CATSPERB: variants seen among roughly 807,000 people sequenced by gnomAD.
CATSPERB encodes the protein catsper channel auxiliary subunit beta, also known as cation channel sperm-associated auxiliary subunit beta.
Under a neutral mutation model 128.3 loss-of-function variants are expected in CATSPERB, and 93 were observed. That is an observed-to-expected ratio of 0.72 (90% CI 0.61 to 0.86). The LOEUF (loss-of-function observed/expected upper bound fraction) is 0.86, where lower values mean the gene tolerates loss of function less well. Among genes scored for constraint, CATSPERB ranks in the 40% least tolerant of loss-of-function variants. The probability of loss-of-function intolerance (pLI) is 0.00; values close to 1 mark genes in which losing one functional copy is unlikely to be tolerated. For missense variants in CATSPERB, 1,153 were observed against 1,329.5 expected (o/e 0.87, Z 2.06); for synonymous variants, 381 against 448.8 (o/e 0.85, Z 1.91).
At chr14:91,670,866 G>C (rs1377041891) in intron 13 of CATSPERB, among the ~76,000 whole-genome samples, 2 of 151,874 alleles carry the variant, frequency 1.3e-5, no homozygotes, top group Non-Finnish European at 2.9e-5. Flanking sequence ...TAGCTGGCGT[G>C]GTGGCACACA....
At chr14:91,687,908 T>C (rs1188576371) in intron 10 of CATSPERB, among the ~76,000 whole-genome samples, 1 of 142,918 alleles carries the variant, frequency 7.0e-6, no homozygotes, top group Non-Finnish European at 1.5e-5. Context: ...TGAGCCGAGA[T>C]CACCACTGCA....
chr14:91,626,359 C>T (rs376961204), intron 17 of CATSPERB, among the ~76,000 whole-genome samples: 60 of 76,838 alleles, frequency 7.8e-4, no homozygotes, highest in Admixed American at 1.6e-3. Flanking sequence ...AGAGGTGGGA[C>T]TTTTTTTTTT....
intron 17 of CATSPERB, among the ~76,000 whole-genome samples, chr14:91,628,039 C>T (rs1313440955): frequency 6.6e-6 from 1 of 152,168 alleles, no homozygotes; most frequent in Non-Finnish European, 1.5e-5. Context: ...AAGAATCATT[C>T]TGCCCTTTCT....
chr14:91,603,551 C>T, intron 22 of CATSPERB: 2 of 726,214 alleles, frequency 2.8e-6, no homozygotes, highest in Non-Finnish European at 4.9e-6. Flanking sequence ...GAGGACCCCA[C>T]CGCTCTAGAG....
At chr14:91,702,355 A>G (rs1895664145) in intron 7 of CATSPERB, among the ~76,000 whole-genome samples, 1 of 150,856 alleles carries the variant, frequency 6.6e-6, no homozygotes, top group South Asian at 2.1e-4. Flanking sequence ...TGGTGCAAAA[A>G]AAATCGCGGT....
At chr14:91,711,998 G>A (rs1358981560) in intron 5 of CATSPERB, among the ~76,000 whole-genome samples, 1 of 152,094 alleles carries the variant, frequency 6.6e-6, no homozygotes, top group African/African-American at 2.4e-5. Flanking sequence ...GTGCTGTGGG[G>A]AATTAGAAAA....
chr14:91,729,094 CT>C (rs1455592824), intron 2 of CATSPERB, among the ~76,000 whole-genome samples: 1 of 152,272 alleles, frequency 6.6e-6, no homozygotes, highest in Admixed American at 6.5e-5. Context: ...AATCTCAGCA[CT>C]TTGGGAGGCT....
At chr14:91,584,122 G>A (rs1290716674) in intron 26 of CATSPERB, among the ~76,000 whole-genome samples, 1 of 151,968 alleles carries the variant, frequency 6.6e-6, no homozygotes. Context: ...TGGATGAAGT[G>A]CAGTGGTGCG....
At chr14:91,656,484 T>C (rs1894789982) in intron 15 of CATSPERB, among the ~76,000 whole-genome samples, 1 of 151,814 alleles carries the variant, frequency 6.6e-6, no homozygotes, top group Non-Finnish European at 1.5e-5. Context: ...AAGAAATTAA[T>C]AGAAGAATTG....
intron 6 of CATSPERB, among the ~76,000 whole-genome samples, chr14:91,706,761 C>A (rs2139856425): frequency 6.6e-6 from 1 of 152,238 alleles, no homozygotes; most frequent in African/African-American, 2.4e-5. Flanking sequence ...TGATATCATC[C>A]TCTACTTGAA....
At chr14:91,601,473 A>T (rs1219649888) in intron 22 of CATSPERB, among the ~76,000 whole-genome samples, 1 of 152,160 alleles carries the variant, frequency 6.6e-6, no homozygotes, top group African/African-American at 2.4e-5. Flanking sequence ...CAAGAGAATG[A>T]ATATATATGG....
Position 91,637,926 on chromosome 14 carries a change from G to A in CATSPERB, c.1587+1170C>T, listed in dbSNP as rs980124970. 3.3e-5 allele frequency among the ~76,000 whole-genome samples: 5 copies of A among 152,048 alleles called. No homozygotes were observed. In the South Asian group the frequency reaches 6.2e-4, roughly 19 times the overall value. On this transcript the variant is annotated intron_variant, in intron 16 of 26. Coordinates refer to ENST00000256343, the MANE Select transcript of CATSPERB (RefSeq NM_024764.4). ...TTCTACCCTCCTGCTCACATCATTCGCTTTGTATAAATGCGGAATTCACAC... is the reference window on the plus strand; with the variant it reads ...TTCTACCCTCCTGCTCACATCATTCACTTTGTATAAATGCGGAATTCACAC...
chr14:91,645,817 C>G (rs1293971801), intron 15 of CATSPERB, among the ~76,000 whole-genome samples: 3 of 150,456 alleles, frequency 2.0e-5, no homozygotes. Context: ...CTCGCTGCTG[C>G]CTTGCAGTTT....
intron 26 of CATSPERB, among the ~76,000 whole-genome samples, chr14:91,584,132 G>A (rs1196316873): frequency 2.6e-5 from 4 of 151,846 alleles, no homozygotes; most frequent in African/African-American, 4.8e-5. Flanking sequence ...GCAGTGGTGC[G>A]ATCTTGGCTC....
At chr14:91,633,420 TA>T (rs758731148) in intron 17 of CATSPERB, among the ~76,000 whole-genome samples, 14 of 146,284 alleles carry the variant, frequency 9.6e-5, no homozygotes, top group East Asian at 4.0e-4. Context: ...TCCAGAAAAT[TA>T]AAAAAAAAAG....
At chr14:91,701,144 G>T (rs1266156529) in intron 7 of CATSPERB, among the ~76,000 whole-genome samples, 1 of 152,142 alleles carries the variant, frequency 6.6e-6, no homozygotes, top group East Asian at 1.9e-4. Context: ...GGAAGGCAGG[G>T]ACCCAGAGAT....
intron 7 of CATSPERB, 135 bp downstream of exon 7, chr14:91,704,417 T>C: frequency 1.2e-6 from 1 of 819,476 alleles, no homozygotes; most frequent in South Asian, 2.2e-5. Context: ...CAGTATTGAA[T>C]AATAAATTTT....
At chr14:91,665,568 A>T (rs1003785841) in intron 14 of CATSPERB, among the ~76,000 whole-genome samples, 1 of 152,178 alleles carries the variant, frequency 6.6e-6, no homozygotes, top group Non-Finnish European at 1.5e-5. Flanking sequence ...AGAAGAAATT[A>T]GAGATTTTAA....
At chr14:91,607,080 TGGGC>T (rs751239717) in intron 22 of CATSPERB, among the ~76,000 whole-genome samples, 1,807 of 33,344 alleles carry the variant, frequency 0.054, 30 homozygotes, top group Non-Finnish European at 0.094. Context: ...TGTGTGTGTG[TGGGC>T]GGGGGGGGGG....
Sources: gnomAD v4.1 joint callset for allele counts (sites outside exome capture counted in the v4.1 genomes callset) on GRCh38, gnomAD v4.1.1 for gene constraint, MANE v1.5 for transcripts, NCBI Gene and HGNC (gene_info 2026-07-23, HGNC 2026-07-21) for gene names.